SYNJ1: variants seen among roughly 807,000 people sequenced by gnomAD.
SYNJ1 encodes synaptojanin 1, also known as polyphosphatidylinositol phosphatase SYNJ1.
In SYNJ1, 78 loss-of-function variants were observed where a neutral mutation model predicts 168.2. The ratio of observed to expected loss-of-function variants is 0.46; its 90% CI spans 0.39 to 0.56. The LOEUF (loss-of-function observed/expected upper bound fraction) is 0.56. Ranked by LOEUF, SYNJ1 falls within the 20% of genes least tolerant of loss-of-function variation. The pLI, the probability that SYNJ1 is intolerant of heterozygous loss-of-function variation, is 0.00. For synonymous variants in SYNJ1, 539 were observed against 548.6 expected, an observed-to-expected ratio of 0.98 and a Z score of 0.24; for missense variants, 1,303 against 1,597.6, an observed-to-expected ratio of 0.82 and a Z score of 3.14.
chr21:32,630,744 A>G lies in SYNJ1; in HGVS notation c.*1061T>C, dbSNP rs1191877985. On this transcript the variant is annotated 3_prime_UTR_variant, in exon 33 of 33. Transcript: ENST00000674351. ...AAGGACTGTTTTCTAAAGTATAAGT[A>G]CTTTTTATGGCTACTACTGTCTCCT... is the stretch of plus-strand genomic sequence containing the variant. The G allele has an allele frequency of 5.9e-6, 2 of 340,180 alleles. No individual in the cohort carries two copies. Among genetic ancestry groups the G allele is most frequent in the African/African-American group, 4.1e-5 (2 of 48,666 alleles). 21.1% of individuals were successfully genotyped at this position (340,180 alleles called of 1,614,324 possible). A position where few individuals can be genotyped will look rare whatever the true frequency, so the allele number is the denominator to read the frequency against.
chr21:32,670,814 A>T (rs899621275), intron 14 of SYNJ1: 2 of 984,992 alleles, frequency 2.0e-6, no homozygotes, highest in Non-Finnish European at 2.4e-6. Flanking sequence ...GAAAAACATA[A>T]TCTTGATCTT....
At chr21:32,653,628 T>TC in intron 21 of SYNJ1, 1 of 333,600 alleles carries the variant, frequency 3.0e-6, no homozygotes, top group African/African-American at 2.1e-5. Flanking sequence ...TCACTGCTAA[T>TC]CCAGTCCCAT....
Position 32,646,516 on chromosome 21 carries a change from G to A in SYNJ1, c.3124C>T (p.Pro1042Ser), listed in dbSNP as rs1361089216. 1.2e-6 allele frequency: 2 copies of A among 1,614,152 alleles called. No homozygotes were observed. The highest frequency in any genetic ancestry group is 1.7e-6 in the Non-Finnish European group (2 of 1,180,028). Residue 1042 changes from proline (P) to serine (S), a missense_variant, in exon 24 of 33, where the codon CCC becomes TCC. Around this residue, in one of 2 missense-constraint regions of SYNJ1, gnomAD observed 383 missense variants for 388.8 expected, o/e 0.99. Transcript: ENST00000674351. ...GGACTAGTTCGGGGTGAAGAGCTGG[G>A]GGAAGTACCAAGGCCGGAACTTGAA... The part of the protein sequence containing the change: ...PSSSSGLGTS[P>S]SSSPRTSPCQ...
chr21:32,649,486 T>A (rs1792640056), intron 23 of SYNJ1, among the ~76,000 whole-genome samples: 1 of 152,204 alleles, frequency 6.6e-6, no homozygotes, highest in Non-Finnish European at 1.5e-5. Context: ...ATCAAACAAA[T>A]GCATTTTTAA....
At position 32,643,439 on chromosome 21, in the gene SYNJ1, C is replaced by A. The variant is rs1311061693; in HGVS notation, c.3449G>T (p.Ser1150Ile). ...KEFGGIGAPPSPGVARREMEA... is the reference protein window; with the variant it reads ...KEFGGIGAPPIPGVARREMEA... ...CATCTCTCTCCTAGCTACCCCAGGA[C>A]TGGGAGGGGCTCCAATACCTTTTTA... The change falls in exon 27 of 33, where the codon AGT becomes ATT. Residue 1150 changes from serine (S) to isoleucine (I), a missense_variant. Ser to Ile is a moderately radical substitution (Grantham distance 142). Transcript: ENST00000674351. 2.5e-6 allele frequency: 4 copies of A among 1,613,638 alleles called. No homozygotes were observed. The highest frequency in any genetic ancestry group is 3.4e-6 in the Non-Finnish European group (4 of 1,179,788).
At chr21:32,709,841 T>C (rs2146293845) in intron 2 of SYNJ1, among the ~76,000 whole-genome samples, 1 of 151,848 alleles carries the variant, frequency 6.6e-6, no homozygotes, top group Non-Finnish European at 1.5e-5. Flanking sequence ...ATTAAACTCA[T>C]GTACTTATGT....
chr21:32,686,024 AG>A (rs1470737429), intron 8 of SYNJ1, 107 bp from the exon 9 acceptor site: 3 of 1,216,780 alleles, frequency 2.5e-6, no homozygotes, highest in Non-Finnish European at 3.4e-6. Context: ...TTTTCCCTAA[AG>A]CCTCAAAAAC....
chr21:32,708,409 T>A (rs2042692643), intron 2 of SYNJ1, among the ~76,000 whole-genome samples: 1 of 152,212 alleles, frequency 6.6e-6, no homozygotes, highest in African/African-American at 2.4e-5. Context: ...TTTCCCCTCC[T>A]ATTCATGGTG....
At chr21:32,706,736 G>T (rs924471591) in intron 2 of SYNJ1, among the ~76,000 whole-genome samples, 3 of 151,896 alleles carry the variant, frequency 2.0e-5, no homozygotes, top group African/African-American at 4.8e-5. Context: ...GGGGAAAAAA[G>T]ATTTCCTTAT....
chr21:32,653,447 T>C (rs1217632517), intron 21 of SYNJ1, 81 bp from the exon 22 acceptor site: 4 of 1,129,296 alleles, frequency 3.5e-6, no homozygotes, highest in Middle Eastern at 2.0e-4. Context: ...TTATTGATCA[T>C]TAACAAGGGC....
Position 32,694,269 on chromosome 21 carries a change from G to T in SYNJ1, c.748C>A (p.Arg250=). 6.4e-7 allele frequency: 1 copy of T among 1,567,128 alleles called. No individual in the cohort carries two copies. Among genetic ancestry groups the T allele is most frequent in the Non-Finnish European group, 8.6e-7 (1 of 1,160,260 alleles). ...TCCCAGAACAATGGAACAGATCCTC[G>T]GATTTGTATGAAGGAAGAAACTGAG... ...DDSVSSFIQI[R]GSVPLFWEQP... is the part of the protein sequence containing the mutation. The change falls in exon 6 of 33, where the codon CGA becomes AGA. Residue 250 remains arginine, a synonymous_variant. Transcript: ENST00000674351.
In SYNJ1 at chr21:32,656,808, G is replaced by T; in HGVS notation, c.2674C>A (p.Pro892Thr). The T allele has an allele frequency of 6.2e-7, 1 of 1,614,112 alleles. No individual in the cohort carries two copies. Among genetic ancestry groups the T allele is most frequent in the East Asian group, 2.2e-5 (1 of 44,870 alleles). Residue 892 changes from proline (P) to threonine (T), a missense_variant, in exon 21 of 33, where the codon CCA (proline) becomes ACA (threonine). By Grantham distance (38) the Pro-to-Thr change is conservative. Transcript: ENST00000674351. ...ATTGAGACCAATACTGTACCATCTG[G>T]TGGACCCTGAACTGCAATTACTTCT... is the stretch of plus-strand genomic sequence containing the variant. ...YKEVIAVQGP[P>T]DGTVLVSIKS...
chr21:32,646,597 C>T lies in SYNJ1; in HGVS notation c.3043G>A (p.Val1015Ile). ...VAADFDMEGD[V>I]DDYSAEVEEL... Reference sequence around the variant, plus strand: ...TCCACTTCAGCACTATAGTCATCAACATCACCTAAGGAAAAGCAGGCTTGA... The same window carrying T: ...TCCACTTCAGCACTATAGTCATCAATATCACCTAAGGAAAAGCAGGCTTGA... The change falls in exon 24 of 33, where the codon GTT (valine) becomes ATT (isoleucine). Residue 1015 changes from valine to isoleucine, a missense_variant. Val to Ile is a conservative substitution (Grantham distance 29). Transcript: ENST00000674351. The T allele has an allele frequency of 6.2e-7, 1 of 1,613,680 alleles. No homozygotes were observed. The highest frequency in any genetic ancestry group is 1.1e-5 in the South Asian group (1 of 91,018).
At chr21:32,689,472 T>C (rs1318500613) in intron 6 of SYNJ1, among the ~76,000 whole-genome samples, 1 of 152,188 alleles carries the variant, frequency 6.6e-6, no homozygotes, top group East Asian at 1.9e-4. Context: ...AATTTTTGTA[T>C]TTTTAGTAGA....
rs77673086 is a variant in SYNJ1 at position 32,636,211 on chromosome 21, C to T, written c.3916-1327G>A. Among the ~76,000 whole-genome samples the T allele has an allele frequency of 9.5e-3, 1,449 of 152,244 alleles. 26 individuals are homozygous for T. Among genetic ancestry groups the T allele is most frequent in the African/African-American group, 0.033 (1,391 of 41,546 alleles). The stretch of plus-strand genomic sequence containing the variant: ...CACAGTAACAGTATAGCAGTGAGTT[C>T]GGTTCCTTTACTTCCAGTTGCATTT... On this transcript the variant is annotated intron_variant, in intron 31 of 32. Transcript: ENST00000674351.
chr21:32,659,942 C>T (rs2040618461), intron 18 of SYNJ1, among the ~76,000 whole-genome samples: 1 of 152,202 alleles, frequency 6.6e-6, no homozygotes, highest in Non-Finnish European at 1.5e-5. Context: ...CCAGCTTGAG[C>T]AATGCGGATC....
At chr21:32,649,286 A>C (rs1458851323) in intron 23 of SYNJ1, among the ~76,000 whole-genome samples, 1 of 152,232 alleles carries the variant, frequency 6.6e-6, no homozygotes, top group Non-Finnish European at 1.5e-5. Flanking sequence ...TGAGTAAACA[A>C]ATGAACAGAT....
At chr21:32,642,498 G>C (rs1335095959) in intron 27 of SYNJ1, among the ~76,000 whole-genome samples, 1 of 152,170 alleles carries the variant, frequency 6.6e-6, no homozygotes, top group Non-Finnish European at 1.5e-5. Context: ...CTGCCCCTTA[G>C]AGTCTGGCAG....
At chr21:32,634,742 T>A (rs1454145977) in intron 32 of SYNJ1, 119 bp downstream of exon 32, 11 of 1,010,210 alleles carry the variant, frequency 1.1e-5, no homozygotes, top group Non-Finnish European at 1.6e-5. Context: ...TAGAATTTAT[T>A]AATGGAGACA....
Sources: allele counts gnomAD v4.1 joint callset (sites outside exome capture counted in the v4.1 genomes callset), GRCh38; gene constraint gnomAD v4.1.1; regional missense constraint gnomAD v4.1.1; transcripts MANE v1.5; gene names NCBI Gene and HGNC (gene_info 2026-07-23, HGNC 2026-07-21).